MYO3A: variants seen among roughly 807,000 people sequenced by gnomAD.
MYO3A encodes the protein myosin IIIA, also known as myosin-IIIa.
A neutral mutation model predicts 192.7 loss-of-function variants in MYO3A; 180 were observed. The ratio of observed to expected loss-of-function variants is 0.93; its 90% CI spans 0.83 to 1.06. The LOEUF (loss-of-function observed/expected upper bound fraction) is 1.06. MYO3A is among the 50% of genes least tolerant of loss of function. MYO3A has a pLI of 0.00. For missense variants in MYO3A, 1,896 were observed against 1,905.0 expected (o/e 1.00, Z 0.09); for synonymous variants, 628 against 645.3 (o/e 0.97, Z 0.41).
At chr10:26,206,866 A>T (rs933477181) in intron 34 of MYO3A, among the ~76,000 whole-genome samples, 2 of 152,204 alleles carry the variant, frequency 1.3e-5, no homozygotes, top group African/African-American at 4.8e-5. Flanking sequence ...GAACATTTGT[A>T]ACCTTTCATG....
At position 26,211,918 on chromosome 10, in the gene MYO3A, C is replaced by T. The variant is rs747532645; in HGVS notation, c.4806C>T (p.Leu1602=). ...PAANPYDFRR[L]LRKTSQRRRL... is the part of the protein sequence containing the mutation. The stretch of plus-strand genomic sequence containing the variant: ...CCAACCCCTACGACTTCAGGAGGCT[C>T]CTGCGCAAAACCTCCCAGCGCCGGC... The change falls in exon 35 of 35, where the codon CTC becomes CTT. Residue 1602 remains leucine (L), a synonymous_variant. Coordinates refer to ENST00000642920, the MANE Select transcript of MYO3A (RefSeq NM_017433.5). The T allele has an allele frequency of 6.2e-7, 1 of 1,614,054 alleles. No homozygotes were observed. The highest frequency in any genetic ancestry group is 1.1e-5 in the South Asian group (1 of 91,032).
In MYO3A at chr10:25,962,663, C is replaced by A. The variant is rs932203417; in HGVS notation, c.303+7655C>A. Among the ~76,000 whole-genome samples, 17 of 152,266 alleles carry A rather than the reference C, an allele frequency of 1.1e-4. No individual in the cohort carries two copies. In the East Asian group the frequency reaches 1.4e-3, roughly 12 times the overall value. ...GATGTAAATACTTCTTTTGACTTTG[C>A]ACTGCCTTTTACCCCTGATATCTAC... On this transcript the variant is annotated intron_variant, in intron 4 of 34. Coordinates refer to ENST00000642920, the MANE Select transcript of MYO3A (RefSeq NM_017433.5).
At chr10:26,083,161 C>T (rs1474898025) in intron 14 of MYO3A, among the ~76,000 whole-genome samples, 2 of 152,156 alleles carry the variant, frequency 1.3e-5, no homozygotes, top group African/African-American at 4.8e-5. Flanking sequence ...TGCTTTGGGG[C>T]CATTAAGTAA....
At chr10:26,201,336 A>T in intron 33 of MYO3A, 31 bp downstream of exon 33, 1 of 1,488,372 alleles carries the variant, frequency 6.7e-7, no homozygotes, top group Non-Finnish European at 9.3e-7. Context: ...TCAATCAGTC[A>T]TCTTATTCAA....
chr10:26,158,621 T>C (rs1841297738), intron 26 of MYO3A, among the ~76,000 whole-genome samples: 1 of 152,146 alleles, frequency 6.6e-6, no homozygotes, highest in African/African-American at 2.4e-5. Context: ...ATATATTTTA[T>C]TGAGTAATAC....
At chr10:26,181,594 A>G (rs909984160) in intron 31 of MYO3A, among the ~76,000 whole-genome samples, 19 of 152,172 alleles carry the variant, frequency 1.2e-4, no homozygotes, top group African/African-American at 2.2e-4. Context: ...AAGCATATAT[A>G]TGACCACTCT....
intron 2 of MYO3A, among the ~76,000 whole-genome samples, chr10:25,940,696 G>A (rs977641163): frequency 6.6e-5 from 10 of 151,446 alleles, no homozygotes; most frequent in African/African-American, 2.4e-4. Context: ...TACTTTTATG[G>A]GTACTTTTGT....
intron 2 of MYO3A, among the ~76,000 whole-genome samples, chr10:25,949,424 T>A (rs893499160): frequency 1.3e-5 from 2 of 152,130 alleles, no homozygotes; most frequent in African/African-American, 4.8e-5. Context: ...AAGATTTAAT[T>A]TGGTTTTTTG....
At chr10:26,189,463 T>A (rs1047403735) in intron 31 of MYO3A, among the ~76,000 whole-genome samples, 1 of 152,186 alleles carries the variant, frequency 6.6e-6, no homozygotes, top group Non-Finnish European at 1.5e-5. Context: ...GAAAGCTTCA[T>A]GAAAGAGATA....
chr10:26,104,331 A>G (rs1364282440), intron 17 of MYO3A, among the ~76,000 whole-genome samples: 1 of 152,148 alleles, frequency 6.6e-6, no homozygotes, highest in Non-Finnish European at 1.5e-5. Context: ...TAGCTCTTAC[A>G]TTTAGGTCAT....
At chr10:25,987,319 A>G (rs956876055) in intron 4 of MYO3A, among the ~76,000 whole-genome samples, 34 of 152,244 alleles carry the variant, frequency 2.2e-4, no homozygotes, top group Non-Finnish European at 4.3e-4. Flanking sequence ...TTCATGACCA[A>G]GAACCCAAAA....
At chr10:26,154,361 G>A (rs1395560161) in intron 24 of MYO3A, among the ~76,000 whole-genome samples, 1 of 152,094 alleles carries the variant, frequency 6.6e-6, no homozygotes, top group East Asian at 1.9e-4. Context: ...TCTATTTTTA[G>A]TAGAGACAGG....
At chr10:26,049,478 A>T (rs554338279) in intron 10 of MYO3A, among the ~76,000 whole-genome samples, 1 of 152,276 alleles carries the variant, frequency 6.6e-6, no homozygotes, top group African/African-American at 2.4e-5. Flanking sequence ...ACTAGAGCAC[A>T]GGTTGTATGC....
chr10:25,981,641 AG>A (rs1282104422), intron 4 of MYO3A, among the ~76,000 whole-genome samples: 2 of 152,214 alleles, frequency 1.3e-5, no homozygotes, highest in African/African-American at 4.8e-5. Context: ...GTTTCACCAG[AG>A]AAATTATATG....
intron 34 of MYO3A, among the ~76,000 whole-genome samples, chr10:26,206,308 G>T (rs529872998): frequency 6.8e-6 from 1 of 147,516 alleles, no homozygotes; most frequent in Non-Finnish European, 1.5e-5. Flanking sequence ...TGATCCATCC[G>T]CCTCGGCCTC....
At chr10:26,043,020 G>A (rs1464510011) in intron 10 of MYO3A, among the ~76,000 whole-genome samples, 2 of 152,132 alleles carry the variant, frequency 1.3e-5, no homozygotes, top group African/African-American at 4.8e-5. Flanking sequence ...ATGTATTAGG[G>A]GACATCCTCA....
intron 27 of MYO3A, among the ~76,000 whole-genome samples, chr10:26,167,076 A>T (rs952904934): frequency 6.6e-6 from 1 of 152,216 alleles, no homozygotes; most frequent in African/African-American, 2.4e-5. Flanking sequence ...TATGAAATGT[A>T]TCACGGGGAG....
chr10:26,200,444 T>C (rs540166811), intron 32 of MYO3A, among the ~76,000 whole-genome samples: 2 of 152,320 alleles, frequency 1.3e-5, no homozygotes, highest in South Asian at 4.2e-4. Context: ...GAGTATGGTG[T>C]CTGTTTTCTC....
chr10:26,019,953 A>T lies in MYO3A; in HGVS notation c.586-1550A>T, dbSNP rs1462078931. 2.0e-5 allele frequency among the ~76,000 whole-genome samples: 3 copies of T among 152,238 alleles called. No individual in the cohort carries two copies. In the East Asian group the frequency reaches 5.8e-4, roughly 29 times the overall value. On this transcript the variant is annotated intron_variant, in intron 7 of 34. Coordinates refer to ENST00000642920, the MANE Select transcript of MYO3A (RefSeq NM_017433.5). ...TTTCAGCAGTTCACTCTCATGTGAT[A>T]TTAAAAATACTTTCATAGAAAAGGT...
Sources: gnomAD v4.1 joint callset for allele counts (sites outside exome capture counted in the v4.1 genomes callset) on GRCh38, gnomAD v4.1.1 for gene constraint, MANE v1.5 for transcripts, NCBI Gene and HGNC (gene_info 2026-07-23, HGNC 2026-07-21) for gene names.